The following L3HYPDH variants were observed in gnomAD, a reference collection of about 807,000 sequenced individuals.
The protein encoded by L3HYPDH is trans-L-3-hydroxyproline dehydratase, also known as trans-3-hydroxy-L-proline dehydratase.
Under a neutral mutation model 26.5 loss-of-function variants are expected in L3HYPDH, and 32 were observed. The ratio of observed to expected loss-of-function variants is 1.21; its 90% CI spans 0.91 to 1.62. L3HYPDH has a LOEUF of 1.62. Among genes scored for constraint, L3HYPDH ranks in the 40% most tolerant of loss-of-function variants. The pLI is 0.00. For synonymous variants in L3HYPDH, 215 were observed against 196.6 expected, an observed-to-expected ratio of 1.09 and a Z score of -0.78; for missense variants, 554 against 476.4, an observed-to-expected ratio of 1.16 and a Z score of -1.52.
the L3HYPDH span, chr14:59,503,749 T>G: frequency 1.4e-6 from 1 of 699,692 alleles, no homozygotes; most frequent in Non-Finnish European, 2.3e-6. Context: ...TTTATGATTC[T>G]GAGATTATAA....
chr14:59,493,044 C>G, the L3HYPDH span, among the ~76,000 whole-genome samples: 1 of 151,456 alleles, frequency 6.6e-6, no homozygotes, highest in Non-Finnish European at 1.5e-5. Flanking sequence ...GTGATCCACC[C>G]GCCCCGGCCT....
chr14:59,492,469 T>A, the L3HYPDH span, among the ~76,000 whole-genome samples: 2 of 152,182 alleles, frequency 1.3e-5, no homozygotes, highest in African/African-American at 4.8e-5. Context: ...TTCCATGAAC[T>A]TCTGGGGTCC....
intron 4 of L3HYPDH, chr14:59,474,399 CCT>C (rs1483789801): frequency 1.6e-6 from 1 of 637,900 alleles, no homozygotes; most frequent in Non-Finnish European, 2.8e-6. Context: ...CCCAGGAGTG[CCT>C]TATATGGAAG....
downstream of L3HYPDH, among the ~76,000 whole-genome samples, chr14:59,470,955 C>T (rs796564400): frequency 3.6e-5 from 2 of 56,096 alleles, no homozygotes; most frequent in African/African-American, 7.5e-5. Context: ...TGGCTGGGGG[C>T]GGGGGGGGGG....
the L3HYPDH span, chr14:59,505,236 G>C: frequency 1.4e-6 from 2 of 1,451,822 alleles, no homozygotes; most frequent in Non-Finnish European, 1.8e-6. Flanking sequence ...TTGTATCCTT[G>C]AGTTACTTTG....
downstream of L3HYPDH, among the ~76,000 whole-genome samples, chr14:59,469,403 A>C (rs1242860936): frequency 2.0e-5 from 3 of 151,866 alleles, no homozygotes; most frequent in Non-Finnish European, 4.4e-5. Context: ...AAATACAAAA[A>C]AATTAGCTGA....
At chr14:59,487,469 A>G, upstream of L3HYPDH, 1 of 412,264 alleles carries the variant, frequency 2.4e-6, no homozygotes. Flanking sequence ...TAGTAAAAGG[A>G]ATCTTCTAAG....
chr14:59,503,995 C>G, the L3HYPDH span: 14 of 1,613,728 alleles, frequency 8.7e-6, no homozygotes, highest in Non-Finnish European at 1.2e-5. Context: ...GGTACCTACA[C>G]CAGCCCTTTT....
the L3HYPDH span, among the ~76,000 whole-genome samples, chr14:59,497,255 TTAAGAA>T: frequency 6.6e-6 from 1 of 152,172 alleles, no homozygotes; most frequent in Non-Finnish European, 1.5e-5. Context: ...TACTAAAACT[TTAAGAA>T]TGAGTTATGG....
chr14:59,487,922 T>TA (rs1890703307), upstream of L3HYPDH: 13 of 1,141,308 alleles, frequency 1.1e-5, no homozygotes, highest in Non-Finnish European at 1.7e-5. Flanking sequence ...TCTTCTGTTT[T>TA]AAAAGTGGTA....
chr14:59,480,151 G>T (rs1889913381), intron 1 of L3HYPDH, among the ~76,000 whole-genome samples: 1 of 152,190 alleles, frequency 6.6e-6, no homozygotes, highest in African/African-American at 2.4e-5. Flanking sequence ...TGTCTTTCAT[G>T]TTTTTATTTT....
chr14:59,484,536 C>T (rs1161213817), upstream of L3HYPDH: 9 of 1,558,850 alleles, frequency 5.8e-6, no homozygotes, highest in Admixed American at 1.9e-5. Context: ...ATGTTCGGTG[C>T]AGCTGCCAGA....
Position 59,476,153 on chromosome 14 carries a change from T to G in L3HYPDH, c.740A>C (p.Asp247Ala). 2 of 1,613,756 alleles carry G rather than the reference T, an allele frequency of 1.2e-6. No homozygotes were observed. The change falls in exon 3 of 5, where the codon GAT becomes GCT. Residue 247 changes from aspartate to alanine, a missense_variant. Asp to Ala is a moderately radical substitution (Grantham distance 126, BLOSUM62 -2). Coordinates refer to ENST00000247194, the MANE Select transcript of L3HYPDH (RefSeq NM_144581.2). ...TTCCTTGGTATAAGCATCTTTTCCATCTGTTAATATAGTTCCATATAAAAA... is the reference window on the plus strand; with the variant it reads ...TTCCTTGGTATAAGCATCTTTTCCAGCTGTTAATATAGTTCCATATAAAAA... The part of the protein sequence containing the change: ...LAFLYGTILT[D>A]GKDAYTKEPT...
the L3HYPDH span, chr14:59,504,222 G>T: frequency 1.6e-6 from 1 of 619,324 alleles, no homozygotes; most frequent in Non-Finnish European, 2.8e-6. Context: ...TTTTGTTTAT[G>T]GTTAGACTTA....
the L3HYPDH span, among the ~76,000 whole-genome samples, chr14:59,497,903 G>A: frequency 2.0e-5 from 3 of 152,150 alleles, no homozygotes; most frequent in African/African-American, 7.2e-5. Context: ...TATAGGGAGA[G>A]GGTTTGAGTA....
At chr14:59,489,261 G>C (rs1890809770), upstream of L3HYPDH, among the ~76,000 whole-genome samples, 1 of 152,196 alleles carries the variant, frequency 6.6e-6, no homozygotes, top group Non-Finnish European at 1.5e-5. Context: ...GTTAGAAGCA[G>C]CCACAGCACA....
chr14:59,504,293 C>T, the L3HYPDH span: 2 of 508,690 alleles, frequency 3.9e-6, no homozygotes, highest in African/African-American at 1.9e-5. Flanking sequence ...TTATCTGCTA[C>T]ACTGGAAGGC....
At chr14:59,491,406 A>G in the L3HYPDH span, among the ~76,000 whole-genome samples, 6 of 152,250 alleles carry the variant, frequency 3.9e-5, no homozygotes, top group Non-Finnish European at 8.8e-5. Context: ...GGCTGTAGAT[A>G]GGTTGAAAGA....
chr14:59,483,490 C>T, intron 1 of L3HYPDH: 1 of 1,277,476 alleles, frequency 7.8e-7, no homozygotes, highest in South Asian at 1.9e-5. Context: ...CCCACCGTAC[C>T]TTGCTTTATC....
Sources: allele counts gnomAD v4.1 joint callset (sites outside exome capture counted in the v4.1 genomes callset), GRCh38; gene constraint gnomAD v4.1.1; transcripts MANE v1.5; gene names NCBI Gene and HGNC (gene_info 2026-07-23, HGNC 2026-07-21).